CNTN5: variants seen among roughly 807,000 people sequenced by gnomAD.
CNTN5 encodes the protein contactin-5.
In CNTN5, 77 loss-of-function variants were observed where a neutral mutation model predicts 129.1. The ratio of observed to expected loss-of-function variants is 0.60; its 90% CI spans 0.50 to 0.72. The LOEUF is 0.72. Among genes scored for constraint, CNTN5 ranks in the 30% least tolerant of loss-of-function variants. The pLI is 0.00. For synonymous variants in CNTN5, 509 were observed against 465.6 expected (o/e 1.09, Z -1.20); for missense variants, 1,478 against 1,328.8 (o/e 1.11, Z -1.75).
At chr11:99,296,424 A>G (rs971852415) in intron 1 of CNTN5, among the ~76,000 whole-genome samples, 1 of 152,222 alleles carries the variant, frequency 6.6e-6, no homozygotes, top group Non-Finnish European at 1.5e-5. Context: ...TAAGCCATAA[A>G]AAAGCTTTCT....
chr11:99,292,953 A>G (rs1220358106), intron 1 of CNTN5, among the ~76,000 whole-genome samples: 1 of 152,156 alleles, frequency 6.6e-6, no homozygotes, highest in African/African-American at 2.4e-5. Flanking sequence ...AAAATCCTTC[A>G]CAAATGAAAG....
chr11:99,869,313 A>G (rs879612671), intron 6 of CNTN5, among the ~76,000 whole-genome samples: 1 of 152,202 alleles, frequency 6.6e-6, no homozygotes, highest in Non-Finnish European at 1.5e-5. Context: ...GTCAAAATCA[A>G]GAGTAACAAT....
intron 2 of CNTN5, among the ~76,000 whole-genome samples, chr11:99,358,934 A>T (rs1938909753): frequency 6.6e-6 from 1 of 152,164 alleles, no homozygotes; most frequent in South Asian, 2.1e-4. Flanking sequence ...ACAAAAACAA[A>T]TTGGTCTGTT....
At chr11:100,316,502 G>C (rs763365279) in intron 21 of CNTN5, among the ~76,000 whole-genome samples, 12 of 152,172 alleles carry the variant, frequency 7.9e-5, no homozygotes, top group Non-Finnish European at 1.3e-4. Flanking sequence ...ATCCTCTGAA[G>C]AAACAGTGTG....
chr11:100,230,666 C>T (rs1299157555), intron 16 of CNTN5, among the ~76,000 whole-genome samples: 1 of 152,128 alleles, frequency 6.6e-6, no homozygotes, highest in East Asian at 1.9e-4. Context: ...CCAATCAATA[C>T]AAACTAAATC....
chr11:99,810,032 C>T (rs1946383761), intron 3 of CNTN5, among the ~76,000 whole-genome samples: 1 of 152,050 alleles, frequency 6.6e-6, no homozygotes, highest in South Asian at 2.1e-4. Flanking sequence ...TTTAATGCAA[C>T]CATATATTAT....
intron 1 of CNTN5, among the ~76,000 whole-genome samples, chr11:99,157,712 A>C (rs946681350): frequency 6.6e-6 from 1 of 152,192 alleles, no homozygotes; most frequent in Non-Finnish European, 1.5e-5. Flanking sequence ...TACATTTCTC[A>C]GTATGATTAG....
chr11:99,445,440 C>A (rs1396575306), intron 2 of CNTN5, among the ~76,000 whole-genome samples: 2 of 152,012 alleles, frequency 1.3e-5, no homozygotes, highest in Non-Finnish European at 2.9e-5. Flanking sequence ...TGAATAAATT[C>A]TCTGTTCAAA....
At chr11:100,200,741 G>GA (rs770543475) in intron 15 of CNTN5, among the ~76,000 whole-genome samples, 14 of 151,520 alleles carry the variant, frequency 9.2e-5, no homozygotes, top group Non-Finnish European at 1.6e-4. Context: ...TTATTGGATA[G>GA]AAAAAAAATT....
At chr11:99,385,323 C>T (rs1358212542) in intron 2 of CNTN5, among the ~76,000 whole-genome samples, 1 of 152,106 alleles carries the variant, frequency 6.6e-6, no homozygotes, top group East Asian at 1.9e-4. Flanking sequence ...CCCGCCCCAC[C>T]CCTCACTGCC....
chr11:100,206,881 T>A (rs1948924761), intron 15 of CNTN5, among the ~76,000 whole-genome samples: 1 of 152,034 alleles, frequency 6.6e-6, no homozygotes, highest in African/African-American at 2.4e-5. Flanking sequence ...ATATATTAAA[T>A]AAAATGTTTA....
At chr11:99,800,453 A>T (rs1008172377) in intron 3 of CNTN5, among the ~76,000 whole-genome samples, 1 of 152,112 alleles carries the variant, frequency 6.6e-6, no homozygotes, top group Non-Finnish European at 1.5e-5. Flanking sequence ...TGTAGATGTC[A>T]ATTAGGTCCA....
chr11:99,467,207 A>C (rs1304023309), intron 2 of CNTN5, among the ~76,000 whole-genome samples: 1 of 152,178 alleles, frequency 6.6e-6, no homozygotes, highest in Non-Finnish European at 1.5e-5. Flanking sequence ...TAATATAGTT[A>C]TATCCAAATG....
intron 13 of CNTN5, among the ~76,000 whole-genome samples, chr11:100,097,251 G>T (rs1256762693): frequency 5.9e-5 from 9 of 152,014 alleles, no homozygotes; most frequent in Non-Finnish European, 7.4e-5. Context: ...ATTCAATCTA[G>T]CTTCCTCATT....
chr11:99,409,789 T>G (rs2135002136), intron 2 of CNTN5, among the ~76,000 whole-genome samples: 1 of 152,346 alleles, frequency 6.6e-6, no homozygotes, highest in East Asian at 1.9e-4. Context: ...CAAAATGACC[T>G]AATAATTGAA....
intron 1 of CNTN5, among the ~76,000 whole-genome samples, chr11:99,229,162 ATG>A (rs1442585840): frequency 5.9e-5 from 9 of 152,044 alleles, no homozygotes; most frequent in African/African-American, 1.9e-4. Flanking sequence ...TGACATTTTA[ATG>A]TGTTATATTG....
intron 6 of CNTN5, among the ~76,000 whole-genome samples, chr11:99,853,867 G>GTATT (rs1440058686): frequency 6.6e-6 from 1 of 152,022 alleles, no homozygotes; most frequent in Non-Finnish European, 1.5e-5. Flanking sequence ...GGAAGTCAAG[G>GTATT]TATTTCTTCA....
At chr11:99,550,023 T>TG (rs1311864227) in intron 2 of CNTN5, among the ~76,000 whole-genome samples, 1 of 152,130 alleles carries the variant, frequency 6.6e-6, no homozygotes. Flanking sequence ...ACGCAGGTTT[T>TG]GTTGAGGCTT....
chr11:99,189,780 G>T (rs1395934480), intron 1 of CNTN5, among the ~76,000 whole-genome samples: 1 of 151,404 alleles, frequency 6.6e-6, no homozygotes, highest in East Asian at 1.9e-4. Flanking sequence ...TGAGTTTTTT[G>T]AGTTTTTAAT....
Sources: allele counts gnomAD v4.1 joint callset (sites outside exome capture counted in the v4.1 genomes callset), GRCh38; gene constraint gnomAD v4.1.1; transcripts MANE v1.5; gene names NCBI Gene and HGNC (gene_info 2026-07-23, HGNC 2026-07-21).